Variants in RUNDC3A observed in about 807,000 individuals in gnomAD.
RUNDC3A encodes RUN domain-containing protein 3A.
In RUNDC3A, 28 loss-of-function variants were observed where a neutral mutation model predicts 53.9. That is an observed-to-expected ratio of 0.52 (90% CI 0.38 to 0.71). The LOEUF (loss-of-function observed/expected upper bound fraction) is 0.71. Among genes scored for constraint, RUNDC3A ranks in the 30% least tolerant of loss-of-function variants. The pLI is 0.00. For missense variants in RUNDC3A, 491 were observed against 597.3 expected (o/e 0.82, Z 1.85); for synonymous variants, 232 against 249.4 (o/e 0.93, Z 0.66).
rs201912909 is a variant in RUNDC3A at position 44,313,216 on chromosome 17, C to T, written c.336C>T (p.Ile112=). The change falls in exon 3 of 11, where the codon ATC becomes ATT. Residue 112 remains isoleucine, a synonymous_variant. Coordinates refer to ENST00000426726, the MANE Select transcript of RUNDC3A (RefSeq NM_001144825.2). The part of the protein sequence containing the change: ...SKVPNNCVSS[I]ENMENISTAR... Reference sequence around the variant, plus strand: ...TGCCCAACAACTGTGTGAGCAGCATCGAGAACATGGAGAACATCAGCACAG... The same window carrying T: ...TGCCCAACAACTGTGTGAGCAGCATTGAGAACATGGAGAACATCAGCACAG... 3.8e-5 allele frequency: 62 copies of T among 1,613,892 alleles called. No homozygotes were observed. In the African/African-American group the frequency reaches 4.4e-4, roughly 11 times the overall value.
chr17:44,318,347 C>A lies in RUNDC3A; in HGVS notation c.*109C>A. 1 of 1,226,384 alleles carries A rather than the reference C, an allele frequency of 8.2e-7. No homozygotes were observed. Among genetic ancestry groups the A allele is most frequent in the Non-Finnish European group, 1.1e-6 (1 of 878,270 alleles). The allele number at this position is 1,226,384 out of a possible 1,614,324, so 76.0% of individuals were successfully genotyped here. ...GGCTACCCTTCCAGAGAACGCTACCCACCCAGCCAGGGTTCTCTCGGGGAA... is the reference window on the plus strand; with the variant it reads ...GGCTACCCTTCCAGAGAACGCTACCAACCCAGCCAGGGTTCTCTCGGGGAA... On this transcript the variant is annotated 3_prime_UTR_variant, in exon 11 of 11. Coordinates refer to ENST00000426726, the MANE Select transcript of RUNDC3A (RefSeq NM_001144825.2).
intron 10 of RUNDC3A, chr17:44,317,653 G>T: frequency 1.4e-6 from 1 of 692,060 alleles, no homozygotes. Context: ...CACTGTATTG[G>T]ATGACCCTAG....
intron 3 of RUNDC3A, 44 bp from the exon 4 acceptor site, chr17:44,313,374 T>C: frequency 6.2e-7 from 1 of 1,613,100 alleles, no homozygotes; most frequent in Non-Finnish European, 8.5e-7. Flanking sequence ...GCTGGACACA[T>C]GAGTCCCTCT....
Position 44,318,202 on chromosome 17 carries a change from C to T in RUNDC3A, c.1305C>T (p.Asp435=). ...AATCCAACGAGTGCCTGGTGAGCGA[C>T]AGTCCCGAGGGCAGCCCAGCACTGA... ...SFKSNECLVS[D]SPEGSPALSP... is the part of the protein sequence containing the mutation. Residue 435 remains aspartate, a synonymous_variant, in exon 11 of 11, where the codon GAC becomes GAT. Coordinates refer to ENST00000426726, the MANE Select transcript of RUNDC3A (RefSeq NM_001144825.2). The T allele has an allele frequency of 6.4e-7, 1 of 1,551,330 alleles. No individual in the cohort carries two copies. Among genetic ancestry groups the T allele is most frequent in the Middle Eastern group, 1.7e-4 (1 of 5,940 alleles).
chr17:44,314,674 T>TGGGG, intron 4 of RUNDC3A, 61 bp from the exon 5 acceptor site: 13 of 839,746 alleles, frequency 1.5e-5, no homozygotes, highest in South Asian at 7.6e-5. Flanking sequence ...ATAGCAGCTC[T>TGGGG]GGGGGGGGGG....
chr17:44,314,572 C>G, intron 4 of RUNDC3A, 163 bp from the exon 5 acceptor site: 1 of 1,443,926 alleles, frequency 6.9e-7, no homozygotes, highest in Non-Finnish European at 9.1e-7. Context: ...GGTGCGAGCC[C>G]CAGGCTGAAG....
chr17:44,310,299 T>C (rs1293269742), intron 1 of RUNDC3A, among the ~76,000 whole-genome samples: 1 of 151,830 alleles, frequency 6.6e-6, no homozygotes, highest in Non-Finnish European at 1.5e-5. Context: ...GCACCATCCA[T>C]GTAGGAGCCT....
At chr17:44,316,995 G>T (rs989073096) in intron 10 of RUNDC3A, 7 of 455,842 alleles carry the variant, frequency 1.5e-5, no homozygotes, top group Admixed American at 1.2e-4. Flanking sequence ...GCTAATTTGT[G>T]TATTTTTAGT....
At chr17:44,317,885 C>A in intron 10 of RUNDC3A, 1 of 595,882 alleles carries the variant, frequency 1.7e-6, no homozygotes, top group Non-Finnish European at 3.0e-6. Flanking sequence ...GAGACAGAGA[C>A]ATCAACTGAC....
chr17:44,317,413 AT>A, intron 10 of RUNDC3A: 1 of 779,954 alleles, frequency 1.3e-6, no homozygotes, highest in South Asian at 1.3e-5. Flanking sequence ...CCTTAGACTA[AT>A]TTGCTCTTAT....
chr17:44,316,642 CGCTGTCA>C lies in RUNDC3A; in HGVS notation c.1120_1126del (p.Ser374LysfsTer4). ...AGACACAGCTTCATGAGCACGGAGC[CGCTGTCA>C]GCTGAAGCCAGTCTGAGCTCGGACT... On this transcript the variant is annotated frameshift_variant, in exon 10 of 11. Transcript: ENST00000426726. LOFTEE classifies it high-confidence loss of function. The C allele has an allele frequency of 6.4e-7, 1 of 1,550,934 alleles. No individual in the cohort carries two copies. The highest frequency in any genetic ancestry group is 1.4e-5 in the African/African-American group (1 of 73,144).
At chr17:44,314,571 C>A in intron 4 of RUNDC3A, 164 bp from the exon 5 acceptor site, 2 of 1,444,038 alleles carry the variant, frequency 1.4e-6, no homozygotes, top group Non-Finnish European at 1.8e-6. Flanking sequence ...AGGTGCGAGC[C>A]CCAGGCTGAA....
intron 10 of RUNDC3A, chr17:44,317,785 T>A: frequency 1.7e-6 from 1 of 599,202 alleles, no homozygotes; most frequent in Middle Eastern, 3.5e-4. Flanking sequence ...CCGTGTCTTG[T>A]CCGTTCTCTG....
intron 1 of RUNDC3A, chr17:44,310,647 C>T (rs1257125606): frequency 4.2e-6 from 4 of 959,606 alleles, no homozygotes; most frequent in Admixed American, 6.2e-5. Context: ...CCATGGGCTC[C>T]CCTGGGCCCT....
Position 44,313,784 on chromosome 17 carries a change from C to A in RUNDC3A, c.458+281C>A, listed in dbSNP as rs373067829. The A allele has an allele frequency of 5.3e-6, 5 of 940,120 alleles. 1 individual carries two copies. The highest frequency in any genetic ancestry group is 8.7e-4 in the Middle Eastern group (2 of 2,304). The allele number at this position is 940,120 out of a possible 1,614,324, so 58.2% of individuals were successfully genotyped here. On this transcript the variant is annotated intron_variant, in intron 4 of 10. Coordinates refer to ENST00000426726, the MANE Select transcript of RUNDC3A (RefSeq NM_001144825.2). ...GCAACCTCCGCCTCCTGGGTTCAAG[C>A]GATTCTCCTGCCTCAGCCTCCTGAG...
Position 44,315,747 on chromosome 17 carries a change from G to C in RUNDC3A, c.953+138G>C. The C allele has an allele frequency of 2.6e-6, 2 of 767,794 alleles. No homozygotes were observed. Among genetic ancestry groups the C allele is most frequent in the Non-Finnish European group, 1.8e-6 (1 of 544,370 alleles). 47.6% of individuals were successfully genotyped at this position (767,794 alleles called of 1,614,324 possible). ...TCTCCAGCATCAACCCTCTGATCCAGCCAGCCCCACCCCGAGATGCCCACA... is the reference window on the plus strand; with the variant it reads ...TCTCCAGCATCAACCCTCTGATCCACCCAGCCCCACCCCGAGATGCCCACA... On this transcript the variant is annotated intron_variant, in intron 8 of 10. Coordinates refer to ENST00000426726, the MANE Select transcript of RUNDC3A (RefSeq NM_001144825.2). This position sits in a 1 kb window ranked among gnomAD's most constrained non-coding sequence, Gnocchi z 6.1.
chr17:44,316,747 C>T (rs2047872459), intron 10 of RUNDC3A, 22 bp downstream of exon 10: 6 of 1,502,260 alleles, frequency 4.0e-6, no homozygotes, highest in South Asian at 1.2e-5. Flanking sequence ...CAACCCAACA[C>T]CCAGTACCCC....
chr17:44,312,749 T>A, intron 2 of RUNDC3A, 54 bp downstream of exon 2: 2 of 407,440 alleles, frequency 4.9e-6, no homozygotes, highest in South Asian at 2.4e-5. Context: ...CCTCCCCCAG[T>A]GGTCCCTCCC....
At chr17:44,312,123 G>T (rs999804053) in intron 1 of RUNDC3A, among the ~76,000 whole-genome samples, 1 of 152,188 alleles carries the variant, frequency 6.6e-6, no homozygotes, top group Non-Finnish European at 1.5e-5. Flanking sequence ...ACTGAAGGTT[G>T]CTCCAGCAAT....
Sources: allele counts gnomAD v4.1 joint callset (sites outside exome capture counted in the v4.1 genomes callset), GRCh38; gene constraint gnomAD v4.1.1; non-coding constraint Gnocchi (gnomAD v3.1); transcripts MANE v1.5; gene names NCBI Gene and HGNC (gene_info 2026-07-23, HGNC 2026-07-21).